The following GIMAP8 variants were observed in gnomAD, a reference collection of about 807,000 sequenced individuals.
GIMAP8 encodes GTPase IMAP family member 8.
Under a neutral mutation model 35.6 loss-of-function variants are expected in GIMAP8, and 29 were observed. That is an observed-to-expected ratio of 0.81 (90% CI 0.61 to 1.11). GIMAP8 has a LOEUF of 1.11. GIMAP8 is among the 50% of genes most tolerant of loss of function. The pLI is 0.00. For missense variants in GIMAP8, 811 were observed against 805.0 expected (o/e 1.01, Z -0.09); for synonymous variants, 335 against 308.7 (o/e 1.09, Z -0.89).
At position 150,470,831 on chromosome 7, in the gene GIMAP8, T is replaced by C. The variant is rs767039431; in HGVS notation, c.639T>C (p.Asp213=). Reference sequence around the variant, plus strand: ...TATTTTGTTCCTTTATTTTCTAGGATTGTGTGAATGAAGCTGCATCTCAAG... The same window carrying C: ...TATTTTGTTCCTTTATTTTCTAGGACTGTGTGAATGAAGCTGCATCTCAAG... ...NFKTEGSRFQ[D]CVNEAASQEG... The change falls in exon 3 of 5, where the codon GAT becomes GAC. Residue 213 remains aspartate, a splice_region_variant and synonymous_variant. Coordinates refer to ENST00000307271, the MANE Select transcript of GIMAP8 (RefSeq NM_175571.4). 2.5e-6 allele frequency: 4 copies of C among 1,602,786 alleles called. No individual in the cohort carries two copies. Among genetic ancestry groups the C allele is most frequent in the East Asian group, 4.5e-5 (2 of 44,792 alleles).
rs765112857 is a variant in GIMAP8 at position 150,474,051 on chromosome 7, A to G, written c.722A>G (p.Gln241Arg). 1 of 1,614,112 alleles carries G rather than the reference A, an allele frequency of 6.2e-7. No individual in the cohort carries two copies. ...ERQLQSTGPE[Q>R]NPGTSELTVL... ...CAGCTGCAGTCCACAGGACCCGAGC[A>G]GAATCCGGGGACATCAGAACTGACA... Residue 241 changes from glutamine (Q) to arginine (R), a missense_variant, in exon 4 of 5, where the codon CAG becomes CGG. Physicochemically the swap from Gln to Arg is conservative, Grantham distance 43. Coordinates refer to ENST00000307271, the MANE Select transcript of GIMAP8 (RefSeq NM_175571.4).
Position 150,466,909 on chromosome 7 carries a change from T to C in GIMAP8, c.211T>C (p.Ser71Pro). 4 of 1,614,236 alleles carry C rather than the reference T, an allele frequency of 2.5e-6. No individual in the cohort carries two copies. Among genetic ancestry groups the C allele is most frequent in the Non-Finnish European group, 3.4e-6 (4 of 1,180,040 alleles). The change falls in exon 2 of 5, where the codon TCC becomes CCC. Residue 71 changes from serine to proline, a missense_variant. Physicochemically the swap from Ser to Pro is moderately conservative, Grantham distance 74 (BLOSUM62 -1). Transcript: ENST00000307271. ...VVVIDTPDLF[S>P]SIACAEDKQR... ...GGTAATTGACACCCCTGACCTTTTC[T>C]CCTCAATAGCTTGTGCTGAAGACAA...
chr7:150,471,162 C>T (rs1052630767), intron 3 of GIMAP8, among the ~76,000 whole-genome samples: 1 of 152,208 alleles, frequency 6.6e-6, no homozygotes, highest in African/African-American at 2.4e-5. Flanking sequence ...ACTCTTCTTT[C>T]TGGCCTTGGA....
Position 150,477,146 on chromosome 7 carries a change from G to A in GIMAP8, c.1364G>A (p.Gly455Glu), listed in dbSNP as rs1802248339. The change falls in exon 5 of 5, where the codon GGG (glycine) becomes GAG (glutamate). Residue 455 changes from glycine to glutamate, a missense_variant. Gly to Glu is a moderately conservative substitution (Grantham distance 98). Coordinates refer to ENST00000307271, the MANE Select transcript of GIMAP8 (RefSeq NM_175571.4). The stretch of plus-strand genomic sequence containing the variant: ...AGCGGGACTGGGAAGAGTGCGACCG[G>A]GAACTCTATCCTGGGGAGCCTCGTC... ...GRSGTGKSAT[G>E]NSILGSLVFT... 6.2e-7 allele frequency: 1 copy of A among 1,613,576 alleles called. No individual in the cohort carries two copies. The highest frequency in any genetic ancestry group is 8.5e-7 in the Non-Finnish European group (1 of 1,179,660).
Position 150,478,407 on chromosome 7 carries a change from G to A in GIMAP8, c.*627G>A, listed in dbSNP as rs1802291543. The A allele has an allele frequency of 6.6e-6, 1 of 152,448 alleles. No homozygotes were observed. The highest frequency in any genetic ancestry group is 6.5e-5 in the Admixed American group (1 of 15,298). The allele number at this position is 152,448 out of a possible 1,614,324, so 9.4% of individuals were successfully genotyped here. ...GGGACATAGTCTTCCATTGCTGGCT[G>A]TCCCTGAGGAAACAGACATGAGTCT... On this transcript the variant is annotated 3_prime_UTR_variant, in exon 5 of 5. Coordinates refer to ENST00000307271, the MANE Select transcript of GIMAP8 (RefSeq NM_175571.4).
chr7:150,468,039 C>G (rs1407032750), intron 2 of GIMAP8, among the ~76,000 whole-genome samples: 2 of 152,150 alleles, frequency 1.3e-5, no homozygotes, highest in Non-Finnish European at 2.9e-5. Flanking sequence ...GCTCTTTGTA[C>G]CCACACCCCA....
At chr7:150,475,886 C>T (rs1802217185) in intron 4 of GIMAP8, among the ~76,000 whole-genome samples, 1 of 152,170 alleles carries the variant, frequency 6.6e-6, no homozygotes, top group Non-Finnish European at 1.5e-5. Flanking sequence ...CTAAGCATGT[C>T]ACTTGTTAGG....
chr7:150,452,613 AT>A (rs1263288347), intron 1 of GIMAP8, among the ~76,000 whole-genome samples: 1 of 146,204 alleles, frequency 6.8e-6, no homozygotes, highest in Non-Finnish European at 1.5e-5. Flanking sequence ...ATGTATGTAT[AT>A]ATGTATATAT....
intron 1 of GIMAP8, among the ~76,000 whole-genome samples, chr7:150,457,006 GAC>G (rs961835511): frequency 3.2e-4 from 48 of 152,332 alleles, no homozygotes; most frequent in African/African-American, 1.0e-3. Flanking sequence ...GAGGAATGAA[GAC>G]ACAGACACAG....
In GIMAP8 at chr7:150,467,164, C is replaced by A. The variant is rs1441572312; in HGVS notation, c.466C>A (p.Gln156Lys). ...DFIEKNKPLK[Q>K]LVQDYEGRYC... ...CATTGAAAAAAACAAACCTCTCAAG[C>A]AGTTGGTTCAAGACTATGAGGGCCG... is the stretch of plus-strand genomic sequence containing the variant. Residue 156 changes from glutamine (Q) to lysine (K), a missense_variant, in exon 2 of 5, where the codon CAG becomes AAG. By Grantham distance (53) the Gln-to-Lys change is moderately conservative. Transcript: ENST00000307271. 6.2e-7 allele frequency: 1 copy of A among 1,614,178 alleles called. No individual in the cohort carries two copies. Among genetic ancestry groups the A allele is most frequent in the South Asian group, 1.1e-5 (1 of 91,090 alleles).
At chr7:150,458,903 A>G (rs1417428365) in intron 1 of GIMAP8, among the ~76,000 whole-genome samples, 3 of 152,242 alleles carry the variant, frequency 2.0e-5, no homozygotes, top group Non-Finnish European at 4.4e-5. Flanking sequence ...TTACAAAGTA[A>G]GGAGGAAATA....
chr7:150,471,648 C>A (rs1021514901), intron 3 of GIMAP8, among the ~76,000 whole-genome samples: 3 of 152,160 alleles, frequency 2.0e-5, no homozygotes, highest in African/African-American at 7.2e-5. Flanking sequence ...ACCAGCTTGG[C>A]CAACATGGCA....
chr7:150,467,275 G>C lies in GIMAP8; in HGVS notation c.577G>C (p.Val193Leu), dbSNP rs747028717. 3.1e-6 allele frequency: 5 copies of C among 1,614,106 alleles called. No individual in the cohort carries two copies. Among genetic ancestry groups the C allele is most frequent in the Non-Finnish European group, 4.2e-6 (5 of 1,180,044 alleles). The part of the protein sequence containing the change: ...LELLRKVESL[V>L]NTNGGPYHVN... ...GCTCCTTCGCAAGGTTGAGTCTTTG[G>C]TGAATACGAACGGAGGACCCTATCA... The change falls in exon 2 of 5, where the codon GTG becomes CTG. Residue 193 changes from valine (V) to leucine (L), a missense_variant. Val to Leu is a conservative substitution (Grantham distance 32). Coordinates refer to ENST00000307271, the MANE Select transcript of GIMAP8 (RefSeq NM_175571.4).
Position 150,478,006 on chromosome 7 carries a change from A to G in GIMAP8, c.*226A>G. ...GGAGAAAGAAGATACAAGGTGGGGA[A>G]ATCTGGAAAAAGATTTCAGACATTA... On this transcript the variant is annotated 3_prime_UTR_variant, in exon 5 of 5. Coordinates refer to ENST00000307271, the MANE Select transcript of GIMAP8 (RefSeq NM_175571.4). The G allele has an allele frequency of 1.8e-6, 1 of 544,326 alleles. No homozygotes were observed. Among genetic ancestry groups the G allele is most frequent in the African/African-American group, 1.9e-5 (1 of 53,174 alleles). 33.7% of individuals were successfully genotyped at this position (544,326 alleles called of 1,614,324 possible). A position where few individuals can be genotyped will look rare whatever the true frequency, so the allele number is the denominator to read the frequency against.
intron 1 of GIMAP8, among the ~76,000 whole-genome samples, chr7:150,460,787 AT>A (rs1300142960): frequency 6.6e-6 from 1 of 152,226 alleles, no homozygotes; most frequent in Admixed American, 6.5e-5. Flanking sequence ...TAACTTGTGC[AT>A]TTAGGGCCTA....
At chr7:150,477,019 T>C (rs1001300976) in intron 4 of GIMAP8, 73 bp from the exon 5 acceptor site, 1 of 1,196,588 alleles carries the variant, frequency 8.4e-7, no homozygotes, top group African/African-American at 1.5e-5. Flanking sequence ...GTAATCTTGC[T>C]TCATGGGATA....
At chr7:150,468,710 C>G (rs1802028413) in intron 2 of GIMAP8, among the ~76,000 whole-genome samples, 1 of 152,158 alleles carries the variant, frequency 6.6e-6, no homozygotes, top group Admixed American at 6.5e-5. Context: ...CAGTTAACAA[C>G]TGTTACTTTC....
chr7:150,452,709 T>TATATATATATATATATATAC (rs1373884339), intron 1 of GIMAP8, among the ~76,000 whole-genome samples: 9 of 106,616 alleles, frequency 8.4e-5, no homozygotes, highest in South Asian at 3.2e-4. Flanking sequence ...TATATATATA[T>TATATATATATATATATATAC]ACATGCGAGT....
rs190793486 is a variant in GIMAP8, at chr7:150,478,042, A to G, written c.*262A>G. 4 of 497,146 alleles carry G rather than the reference A, an allele frequency of 8.0e-6. No homozygotes were observed. The Admixed American group carries it at 1.5e-4, about 18-fold the overall frequency. 30.8% of individuals were successfully genotyped at this position (497,146 alleles called of 1,614,324 possible). ...AGATTTCAGACATTAGGCTGATAAT[A>G]AGTGGTAGAATCAAGTCACAAGAAT... On this transcript the variant is annotated 3_prime_UTR_variant, in exon 5 of 5. Coordinates refer to ENST00000307271, the MANE Select transcript of GIMAP8 (RefSeq NM_175571.4).
Sources: allele counts gnomAD v4.1 joint callset (sites outside exome capture counted in the v4.1 genomes callset), GRCh38; gene constraint gnomAD v4.1.1; transcripts MANE v1.5; gene names NCBI Gene and HGNC (gene_info 2026-07-23, HGNC 2026-07-21).